WDR11: variants seen among roughly 807,000 people sequenced by gnomAD.
WDR11 encodes WD repeat-containing protein 11.
Under a neutral mutation model 151.2 loss-of-function variants are expected in WDR11, and 83 were observed. The observed-to-expected ratio is 0.55, with a 90% CI of 0.46 to 0.66. The LOEUF is 0.66. Ranked by LOEUF, WDR11 falls within the 30% of genes least tolerant of loss-of-function variation. The pLI is 0.00. For missense variants in WDR11, 1,301 were observed against 1,480.9 expected (o/e 0.88, Z 1.99); for synonymous variants, 484 against 533.1 (o/e 0.91, Z 1.27).
intron 19 of WDR11, among the ~76,000 whole-genome samples, chr10:120,893,189 G>A (rs1256733945): frequency 4.0e-5 from 5 of 125,660 alleles, no homozygotes; most frequent in Admixed American, 3.7e-4. Context: ...AACAGTCCCA[G>A]GTGTGTGATG....
In WDR11 at chr10:120,885,947, CAGT is replaced by C; in HGVS notation, c.1973+10_1973+12del. The C allele has an allele frequency of 6.2e-7, 1 of 1,612,980 alleles. No individual in the cohort carries two copies. The highest frequency in any genetic ancestry group is 8.5e-7 in the Non-Finnish European group (1 of 1,179,462). On this transcript the variant is annotated intron_variant, in intron 15 of 28. Transcript: ENST00000263461. ...GAATCATCTGTGATCAGGTACAGTA[CAGT>C]GTTTCTTGACACTGTCATTTGTGCC...
chr10:120,905,050 C>CA (rs1170112498), intron 25 of WDR11, among the ~76,000 whole-genome samples: 1 of 152,202 alleles, frequency 6.6e-6, no homozygotes, highest in African/African-American at 2.4e-5. Flanking sequence ...ATAAATCCAA[C>CA]AATCCTAGGC....
intron 14 of WDR11, 62 bp downstream of exon 14, chr10:120,883,950 T>G: frequency 7.2e-7 from 1 of 1,397,736 alleles, no homozygotes; most frequent in East Asian, 2.4e-5. Flanking sequence ...GTGAATGTTT[T>G]GCTTAAGCTT....
In WDR11 at chr10:120,852,540, A is replaced by T; in HGVS notation, c.103A>T (p.Ile35Phe). 1 of 1,614,030 alleles carries T rather than the reference A, an allele frequency of 6.2e-7. No individual in the cohort carries two copies. Residue 35 changes from isoleucine (I) to phenylalanine (F), a missense_variant, in exon 2 of 29, where the codon ATT (isoleucine) becomes TTT (phenylalanine). Coordinates refer to ENST00000263461, the MANE Select transcript of WDR11 (RefSeq NM_018117.12). ...TTTTGCTAGGGGCTGGCAAGGTTTA[A>T]TTGCTTATGGATGTCATTCACTTGT... The part of the protein sequence containing the change: ...AAVDWGWQGL[I>F]AYGCHSLVVV...
chr10:120,880,762 GCTT>G (rs1351117433), intron 12 of WDR11, 61 bp from the exon 13 acceptor site: 12 of 1,387,482 alleles, frequency 8.6e-6, no homozygotes, highest in Non-Finnish European at 1.2e-5. Flanking sequence ...CATTGGCGTG[GCTT>G]CTTGTTTTTC....
intron 14 of WDR11, 42 bp from the exon 15 acceptor site, chr10:120,885,772 G>A (rs1332696101): frequency 2.5e-6 from 4 of 1,611,560 alleles, no homozygotes; most frequent in Middle Eastern, 1.7e-4. Context: ...TTTGACAGAA[G>A]GAAACCTAGC....
At position 120,882,544 on chromosome 10, in the gene WDR11, G is replaced by GTTTTTTTTTT. The variant is rs367918882; in HGVS notation, c.1740-1234_1740-1225dup. Among the ~76,000 whole-genome samples, 219 of 142,416 alleles carry GTTTTTTTTTT rather than the reference G, an allele frequency of 1.5e-3. 1 individual carries two copies. Among genetic ancestry groups the GTTTTTTTTTT allele is most frequent in the African/African-American group, 5.2e-3 (203 of 38,682 alleles). The allele number at this position is 142,416 out of a possible 152,430, so 93.4% of individuals were successfully genotyped here. On this transcript the variant is annotated intron_variant, in intron 13 of 28. Coordinates refer to ENST00000263461, the MANE Select transcript of WDR11 (RefSeq NM_018117.12). The stretch of plus-strand genomic sequence containing the variant: ...AGTTTTTAAATACAAATTCAGTTTT[G>GTTTTTTTTTT]TTTTTTTTTTTCATAAATATAGGAC...
Position 120,873,495 on chromosome 10 carries a change from C to A in WDR11, c.1472-344C>A, listed in dbSNP as rs181670587. ...TTATTTGAGGACCAGCTATAATAAA[C>A]CTTCTGAGTCTCAAAAAGTATAAAT... is the stretch of plus-strand genomic sequence containing the variant. On this transcript the variant is annotated intron_variant, in intron 10 of 28. Coordinates refer to ENST00000263461, the MANE Select transcript of WDR11 (RefSeq NM_018117.12). 2.3e-3 allele frequency among the ~76,000 whole-genome samples: 343 copies of A among 152,254 alleles called. 2 individuals are homozygous for A. Among genetic ancestry groups the A allele is most frequent in the Admixed American group, 0.021 (315 of 15,296 alleles).
intron 11 of WDR11, among the ~76,000 whole-genome samples, chr10:120,874,398 T>A (rs538758321): frequency 1.5e-4 from 23 of 152,166 alleles, no homozygotes; most frequent in East Asian, 7.7e-4. Flanking sequence ...TTTATTATTT[T>A]AAAATTTTTT....
chr10:120,852,726 A>G, intron 2 of WDR11, 91 bp downstream of exon 2: 1 of 1,074,686 alleles, frequency 9.3e-7, no homozygotes, highest in Non-Finnish European at 1.4e-6. Context: ...CTTACGTGTA[A>G]GTGTTGAATA....
At chr10:120,862,532 A>T (rs964956137) in intron 4 of WDR11, 2 of 567,296 alleles carry the variant, frequency 3.5e-6, no homozygotes, top group Admixed American at 3.1e-5. Flanking sequence ...TAGAATGCCA[A>T]GCTTGGAGGC....
rs55968513 is a variant in WDR11, at chr10:120,859,067, A to T, written c.352+271A>T. Reference sequence around the variant, plus strand: ...TCATTCAAGCATGATAAGAAAAAGTAAGTGGTACAATCTTGTAATCTAAGC... The same window carrying T: ...TCATTCAAGCATGATAAGAAAAAGTTAGTGGTACAATCTTGTAATCTAAGC... On this transcript the variant is annotated intron_variant, in intron 3 of 28. Transcript: ENST00000263461. 0.25 allele frequency among the ~76,000 whole-genome samples: 37,361 copies of T among 152,014 alleles called. 5,035 individuals carry two copies. Among genetic ancestry groups the T allele is most frequent in the African/African-American group, 0.35 (14,553 of 41,434 alleles).
chr10:120,863,195 G>A (rs928576927), intron 5 of WDR11, among the ~76,000 whole-genome samples: 2 of 152,076 alleles, frequency 1.3e-5, no homozygotes, highest in African/African-American at 4.8e-5. Context: ...TGTGAAAATC[G>A]CAATGATCCT....
chr10:120,870,328 TG>T (rs1381931927), intron 9 of WDR11, among the ~76,000 whole-genome samples: 7 of 152,358 alleles, frequency 4.6e-5, no homozygotes, highest in Middle Eastern at 6.8e-3. Context: ...TGTGTAGACA[TG>T]TATGTATATA....
intron 9 of WDR11, among the ~76,000 whole-genome samples, chr10:120,870,685 A>C (rs891692608): frequency 4.6e-5 from 7 of 152,210 alleles, no homozygotes; most frequent in Non-Finnish European, 8.8e-5. Flanking sequence ...TTCTTATTAG[A>C]AATTATGAAT....
intron 11 of WDR11, among the ~76,000 whole-genome samples, chr10:120,878,056 T>A (rs1482495977): frequency 6.6e-6 from 1 of 152,222 alleles, no homozygotes; most frequent in Non-Finnish European, 1.5e-5. Context: ...TACTGTCATA[T>A]GACTCTCTCC....
chr10:120,905,185 T>TC, intron 25 of WDR11, 134 bp from the exon 26 acceptor site: 1 of 861,964 alleles, frequency 1.2e-6, no homozygotes, highest in Non-Finnish European at 1.9e-6. Context: ...TGTTTCAGAA[T>TC]TTAAATCAAG....
chr10:120,886,090 TA>T, intron 15 of WDR11, 152 bp downstream of exon 15: 1 of 958,856 alleles, frequency 1.0e-6, no homozygotes, highest in Non-Finnish European at 1.6e-6. Flanking sequence ...CCCAGATTAC[TA>T]AAAAGATAAT....
chr10:120,880,902 G>GT lies in WDR11; in HGVS notation c.1739+2dup, dbSNP rs1564707846. 1 of 1,590,962 alleles carries GT rather than the reference G, an allele frequency of 6.3e-7. No individual in the cohort carries two copies. On this transcript the variant is annotated splice_donor_variant, in intron 13 of 28. Transcript: ENST00000263461. LOFTEE classifies it high-confidence loss of function. Reference sequence around the variant, plus strand: ...AAATGATTAAAGTATCTCATTTGAAGTAAGTGTCAACCTAAAAAAAAATCT... The same window carrying GT: ...AAATGATTAAAGTATCTCATTTGAAGTTAAGTGTCAACCTAAAAAAAAATCT...
Sources: allele counts gnomAD v4.1 joint callset (sites outside exome capture counted in the v4.1 genomes callset), GRCh38; gene constraint gnomAD v4.1.1; transcripts MANE v1.5; gene names NCBI Gene and HGNC (gene_info 2026-07-23, HGNC 2026-07-21).